Variants in ZNF804B observed in about 807,000 individuals in gnomAD.
ZNF804B encodes the protein zinc finger protein 804B.
ZNF804B carries 80 observed loss-of-function variants against 101.4 expected under a neutral mutation model. The observed-to-expected ratio is 0.79, with a 90% CI of 0.66 to 0.95. The LOEUF (loss-of-function observed/expected upper bound fraction) is 0.95, where lower values mean the gene tolerates loss of function less well. Among genes scored for constraint, ZNF804B ranks in the 40% least tolerant of loss-of-function variants. The pLI, the probability that ZNF804B is intolerant of heterozygous loss-of-function variation, is 0.00. For synonymous variants in ZNF804B, 622 were observed against 558.8 expected (o/e 1.11, Z -1.59); for missense variants, 1,673 against 1,561.9 (o/e 1.07, Z -1.20).
At chr7:89,087,511 C>T (rs1196771815) in intron 1 of ZNF804B, among the ~76,000 whole-genome samples, 4 of 151,792 alleles carry the variant, frequency 2.6e-5, no homozygotes, top group Non-Finnish European at 2.9e-5. Context: ...GTAAATATTA[C>T]AGTTATTTAA....
chr7:89,258,830 T>A (rs1363046988), intron 2 of ZNF804B, among the ~76,000 whole-genome samples: 1 of 152,068 alleles, frequency 6.6e-6, no homozygotes, highest in Non-Finnish European at 1.5e-5. Flanking sequence ...TCAAATTGGA[T>A]CATTATAAAG....
intron 1 of ZNF804B, among the ~76,000 whole-genome samples, chr7:89,165,904 C>A (rs1037328946): frequency 2.6e-5 from 4 of 152,090 alleles, no homozygotes; most frequent in African/African-American, 9.7e-5. Context: ...TATTGTATAT[C>A]ATACCATGTG....
At chr7:89,110,425 G>C (rs1790200290) in intron 1 of ZNF804B, among the ~76,000 whole-genome samples, 1 of 152,196 alleles carries the variant, frequency 6.6e-6, no homozygotes, top group Admixed American at 6.5e-5. Flanking sequence ...AAGTTAACTA[G>C]GTAGAGAGCT....
At position 88,987,075 on chromosome 7, in the gene ZNF804B, A is replaced by G. The variant is rs184056595; in HGVS notation, c.108+226991A>G. On this transcript the variant is annotated intron_variant, in intron 1 of 3. Coordinates refer to ENST00000333190, the MANE Select transcript of ZNF804B (RefSeq NM_181646.5). Reference sequence around the variant, plus strand: ...ATTTTGTTCTGCCTTTCCCATAAGGATGGCTACTTACTTGTCCCTCAACTA... The same window carrying G: ...ATTTTGTTCTGCCTTTCCCATAAGGGTGGCTACTTACTTGTCCCTCAACTA... Among the ~76,000 whole-genome samples, 324 of 152,192 alleles carry G rather than the reference A, an allele frequency of 2.1e-3. 4 individuals carry two copies. Among genetic ancestry groups the G allele is most frequent in the African/African-American group, 7.5e-3 (311 of 41,556 alleles).
At chr7:88,871,699 C>T (rs748070443) in intron 1 of ZNF804B, among the ~76,000 whole-genome samples, 1 of 152,136 alleles carries the variant, frequency 6.6e-6, no homozygotes, top group Non-Finnish European at 1.5e-5. Flanking sequence ...TGCTGTGGCT[C>T]ACACCTGTAA....
intron 1 of ZNF804B, among the ~76,000 whole-genome samples, chr7:89,118,366 T>C (rs921218356): frequency 1.3e-5 from 2 of 152,158 alleles, no homozygotes; most frequent in Non-Finnish European, 2.9e-5. Flanking sequence ...ATTAGTGAGA[T>C]AATCTCCATA....
intron 2 of ZNF804B, among the ~76,000 whole-genome samples, chr7:89,321,526 G>A (rs1790821147): frequency 6.6e-6 from 1 of 151,884 alleles, no homozygotes; most frequent in Admixed American, 6.6e-5. Context: ...TTAATGTCTA[G>A]TGCAACTATG....
chr7:88,955,412 A>G (rs1793290096), intron 1 of ZNF804B, among the ~76,000 whole-genome samples: 1 of 151,670 alleles, frequency 6.6e-6, no homozygotes, highest in Non-Finnish European at 1.5e-5. Flanking sequence ...AAATGTGAAG[A>G]ATATTAAGAA....
At chr7:88,937,843 A>C (rs975140910) in intron 1 of ZNF804B, among the ~76,000 whole-genome samples, 1 of 151,996 alleles carries the variant, frequency 6.6e-6, no homozygotes, top group African/African-American at 2.4e-5. Context: ...ACAAAGAAAA[A>C]ACTTTACATC....
intron 1 of ZNF804B, among the ~76,000 whole-genome samples, chr7:89,079,138 A>T (rs1583974221): frequency 6.6e-6 from 1 of 152,070 alleles, no homozygotes; most frequent in African/African-American, 2.4e-5. Context: ...AATAAATTTC[A>T]TAGAGGCCAC....
At chr7:89,056,831 C>T (rs1378947522) in intron 1 of ZNF804B, among the ~76,000 whole-genome samples, 2 of 152,096 alleles carry the variant, frequency 1.3e-5, no homozygotes, top group East Asian at 3.9e-4. Context: ...TACACTAAGA[C>T]TCTGGGTTGC....
intron 1 of ZNF804B, among the ~76,000 whole-genome samples, chr7:88,916,960 G>C (rs1792641483): frequency 6.6e-6 from 1 of 151,958 alleles, no homozygotes. Context: ...GTAATATAAT[G>C]TGTTTCAAAA....
At position 89,336,884 on chromosome 7, in the gene ZNF804B, A is replaced by T; in HGVS notation, c.3902A>T (p.Asn1301Ile). The change falls in exon 4 of 4, where the codon AAT becomes ATT. Residue 1301 changes from asparagine to isoleucine, a missense_variant. Asn to Ile is a moderately radical substitution (Grantham distance 149). Transcript: ENST00000333190. ...CCTACATTGTTTGGTCCTCACTTAA[A>T]TCCAGCCACAACTTCTATCATCCAC... ...FIPTLFGPHL[N>I]PATTSIIHLN... is the part of the protein sequence containing the mutation. 6.2e-7 allele frequency: 1 copy of T among 1,614,012 alleles called. No individual in the cohort carries two copies. Among genetic ancestry groups the T allele is most frequent in the East Asian group, 2.2e-5 (1 of 44,878 alleles).
chr7:89,064,431 GA>G (rs1251069137), intron 1 of ZNF804B, among the ~76,000 whole-genome samples: 3 of 152,132 alleles, frequency 2.0e-5, no homozygotes, highest in Non-Finnish European at 4.4e-5. Flanking sequence ...AATAACCTAA[GA>G]ACAACTCAAA....
At chr7:88,761,932 A>T (rs1437156320) in intron 1 of ZNF804B, among the ~76,000 whole-genome samples, 1 of 152,150 alleles carries the variant, frequency 6.6e-6, no homozygotes, top group African/African-American at 2.4e-5. Context: ...GACACTATAG[A>T]GACTGGATGT....
chr7:89,219,569 C>T (rs1169390293), intron 2 of ZNF804B, among the ~76,000 whole-genome samples: 1 of 151,644 alleles, frequency 6.6e-6, no homozygotes, highest in East Asian at 1.9e-4. Flanking sequence ...TTGTTCTCAT[C>T]TGGTTAGATG....
In ZNF804B at chr7:89,336,850, G is replaced by T. The variant is rs552835309; in HGVS notation, c.3868G>T (p.Ala1290Ser). The T allele has an allele frequency of 6.2e-7, 1 of 1,613,990 alleles. No individual in the cohort carries two copies. The highest frequency in any genetic ancestry group is 1.3e-5 in the African/African-American group (1 of 74,988). The change falls in exon 4 of 4, where the codon GCA (alanine) becomes TCA (serine). Residue 1290 changes from alanine (A) to serine (S), a missense_variant. Coordinates refer to ENST00000333190, the MANE Select transcript of ZNF804B (RefSeq NM_181646.5). ...AACACTTCAGCCTCTGCCCCCTACAGCATTTATTCCTACATTGTTTGGTCC... is the reference window on the plus strand; with the variant it reads ...AACACTTCAGCCTCTGCCCCCTACATCATTTATTCCTACATTGTTTGGTCC... ...HITLQPLPPT[A>S]FIPTLFGPHL...
chr7:89,166,607 T>A (rs1791147826), intron 1 of ZNF804B, among the ~76,000 whole-genome samples: 2 of 152,196 alleles, frequency 1.3e-5, no homozygotes, highest in Non-Finnish European at 2.9e-5. Context: ...TCTTGTAATA[T>A]CATGACTTTT....
chr7:89,100,295 C>A (rs150657116), intron 1 of ZNF804B, among the ~76,000 whole-genome samples: 1 of 152,178 alleles, frequency 6.6e-6, no homozygotes, highest in Non-Finnish European at 1.5e-5. Flanking sequence ...TATCACTTAC[C>A]ATTTATAAAA....
Sources: allele counts gnomAD v4.1 joint callset (sites outside exome capture counted in the v4.1 genomes callset), GRCh38; gene constraint gnomAD v4.1.1; transcripts MANE v1.5; gene names NCBI Gene and HGNC (gene_info 2026-07-23, HGNC 2026-07-21).